Variants in TRPC7 observed in about 807,000 individuals in gnomAD.
TRPC7 encodes the protein short transient receptor potential channel 7.
A neutral mutation model predicts 90.1 loss-of-function variants in TRPC7; 42 were observed. The ratio of observed to expected loss-of-function variants is 0.47; its 90% CI spans 0.36 to 0.60. The LOEUF is 0.60. Ranked by LOEUF, TRPC7 falls within the 20% of genes least tolerant of loss-of-function variation. The probability of loss-of-function intolerance (pLI) is 0.00; values close to 1 mark genes in which losing one functional copy is unlikely to be tolerated. For missense variants in TRPC7, 955 were observed against 1,112.3 expected, an observed-to-expected ratio of 0.86 and a Z score of 2.01; for synonymous variants, 451 against 436.3, an observed-to-expected ratio of 1.03 and a Z score of -0.42.
In TRPC7 at chr5:136,274,660, A is replaced by G; in HGVS notation, c.1128+13T>C. 1 of 1,600,562 alleles carries G rather than the reference A, an allele frequency of 6.2e-7. No individual in the cohort carries two copies. The highest frequency in any genetic ancestry group is 2.2e-5 in the East Asian group (1 of 44,604). On this transcript the variant is annotated intron_variant, in intron 4 of 11. Coordinates refer to ENST00000513104, the MANE Select transcript of TRPC7 (RefSeq NM_020389.3). ...AATAACCGCAAACGACATGCACCTT[A>G]AGCAGTCTGTACCTTGCTGCACGGA...
At chr5:136,284,647 G>A (rs1201852679) in intron 3 of TRPC7, among the ~76,000 whole-genome samples, 2 of 152,272 alleles carry the variant, frequency 1.3e-5, no homozygotes, top group East Asian at 1.9e-4. Flanking sequence ...GTGTAGCTCC[G>A]ACAGTGCCCT....
intron 2 of TRPC7, among the ~76,000 whole-genome samples, chr5:136,325,020 C>A (rs529364310): frequency 6.6e-6 from 1 of 152,310 alleles, no homozygotes; most frequent in East Asian, 1.9e-4. Context: ...CAGATGTGTA[C>A]AGCTGTAAAC....
intron 1 of TRPC7, among the ~76,000 whole-genome samples, chr5:136,362,271 C>G (rs896447673): frequency 5.9e-5 from 9 of 152,072 alleles, no homozygotes; most frequent in Non-Finnish European, 1.3e-4. Flanking sequence ...TCACATTAAC[C>G]ATGTGCCAGC....
chr5:136,266,193 A>C, intron 5 of TRPC7, 27 bp downstream of exon 5: 1 of 1,576,542 alleles, frequency 6.3e-7, no homozygotes, highest in Middle Eastern at 1.7e-4. Context: ...TAGCAAGGAG[A>C]GAATAAAAAT....
Position 136,226,152 on chromosome 5 carries a change from G to C in TRPC7, c.2144C>G (p.Pro715Arg). The change falls in exon 9 of 12, where the codon CCT becomes CGT. Residue 715 changes from proline to arginine, a missense_variant. Around this residue, in one of 4 missense-constraint regions of TRPC7, gnomAD observed 296 missense variants for 422.7 expected, o/e 0.70. Transcript: ENST00000513104. Reference sequence around the variant, plus strand: ...CATTATGAGATAATAAAATGATTTAGGACTTGGCACTAGATTAAAAGGAGC... The same window carrying C: ...CATTATGAGATAATAAAATGATTTACGACTTGGCACTAGATTAAAAGGAGC... The part of the protein sequence containing the change: ...LPAPFNLVPS[P>R]KSFYYLIMRI... 1 of 1,572,712 alleles carries C rather than the reference G, an allele frequency of 6.4e-7. No individual in the cohort carries two copies. The highest frequency in any genetic ancestry group is 8.6e-7 in the Non-Finnish European group (1 of 1,156,938).
chr5:136,321,316 A>G (rs543940864), intron 2 of TRPC7, among the ~76,000 whole-genome samples: 1 of 152,312 alleles, frequency 6.6e-6, no homozygotes, highest in East Asian at 1.9e-4. Context: ...TCCCTGACAG[A>G]TTCTATAGTA....
intron 1 of TRPC7, among the ~76,000 whole-genome samples, chr5:136,360,849 C>A (rs987926950): frequency 6.6e-6 from 1 of 152,122 alleles, no homozygotes; most frequent in African/African-American, 2.4e-5. Flanking sequence ...CTCACTGTGG[C>A]CTTTTTATTA....
At chr5:136,349,816 T>C (rs766896816) in intron 2 of TRPC7, among the ~76,000 whole-genome samples, 1 of 152,170 alleles carries the variant, frequency 6.6e-6, no homozygotes, top group Non-Finnish European at 1.5e-5. Context: ...ATGCATGGCA[T>C]AATAGCATTT....
chr5:136,259,383 C>T (rs1355746752), intron 5 of TRPC7, among the ~76,000 whole-genome samples: 1 of 152,186 alleles, frequency 6.6e-6, no homozygotes, highest in Non-Finnish European at 1.5e-5. Flanking sequence ...TGAGCTCCAC[C>T]TTTGTGCCAG....
At chr5:136,305,950 C>A (rs963405116) in intron 3 of TRPC7, among the ~76,000 whole-genome samples, 2 of 152,058 alleles carry the variant, frequency 1.3e-5, no homozygotes, top group Admixed American at 1.3e-4. Context: ...AGGTACAGCC[C>A]GTTTGAGCTC....
chr5:136,255,317 G>A (rs1047141574), intron 5 of TRPC7, among the ~76,000 whole-genome samples: 3 of 152,146 alleles, frequency 2.0e-5, no homozygotes, highest in Non-Finnish European at 4.4e-5. Context: ...AAACTTTATT[G>A]TCTTAAGAAA....
chr5:136,228,302 T>G (rs1755695747), intron 8 of TRPC7, among the ~76,000 whole-genome samples: 2 of 145,412 alleles, frequency 1.4e-5, no homozygotes, highest in African/African-American at 5.2e-5. Context: ...GGGTGGGGGG[T>G]AGGGAATTTG....
intron 2 of TRPC7, among the ~76,000 whole-genome samples, chr5:136,352,430 A>G (rs1272964618): frequency 1.3e-5 from 2 of 152,158 alleles, no homozygotes; most frequent in Non-Finnish European, 2.9e-5. Flanking sequence ...CAAATAAAGG[A>G]GACTAGCAAA....
At chr5:136,300,879 C>T (rs1202378121) in intron 3 of TRPC7, among the ~76,000 whole-genome samples, 1 of 152,216 alleles carries the variant, frequency 6.6e-6, no homozygotes, top group Non-Finnish European at 1.5e-5. Context: ...GTACTGTTCT[C>T]AGCCTTCAGA....
At chr5:136,216,325 G>C in intron 10 of TRPC7, 50 bp from the exon 11 acceptor site, 1 of 1,470,030 alleles carries the variant, frequency 6.8e-7, no homozygotes, top group Non-Finnish European at 9.4e-7. Context: ...CTAATGCAGA[G>C]GCAGCCTGCG....
At chr5:136,323,833 TA>T (rs1159510679) in intron 2 of TRPC7, among the ~76,000 whole-genome samples, 3 of 152,170 alleles carry the variant, frequency 2.0e-5, no homozygotes, top group South Asian at 2.1e-4. Flanking sequence ...CGTATAAATT[TA>T]AAAATAAGCT....
At chr5:136,229,583 C>T (rs937330333) in intron 8 of TRPC7, among the ~76,000 whole-genome samples, 3 of 152,118 alleles carry the variant, frequency 2.0e-5, no homozygotes, top group African/African-American at 7.2e-5. Flanking sequence ...TGTGAGGACA[C>T]AGCAAGAAGG....
chr5:136,240,375 T>C (rs1345121056), intron 7 of TRPC7, among the ~76,000 whole-genome samples: 1 of 152,194 alleles, frequency 6.6e-6, no homozygotes, highest in Non-Finnish European at 1.5e-5. Flanking sequence ...ATGAGTTTCC[T>C]AGGAACAGAA....
intron 2 of TRPC7, among the ~76,000 whole-genome samples, chr5:136,351,239 T>A (rs925653703): frequency 6.6e-6 from 1 of 152,186 alleles, no homozygotes. Context: ...TTGAGGACTT[T>A]TCTTCTAGAT....
Sources: allele counts gnomAD v4.1 joint callset (sites outside exome capture counted in the v4.1 genomes callset), GRCh38; gene constraint gnomAD v4.1.1; regional missense constraint gnomAD v4.1.1; transcripts MANE v1.5; gene names NCBI Gene and HGNC (gene_info 2026-07-23, HGNC 2026-07-21).